The following CFAP47 variants were observed in gnomAD, a reference collection of about 807,000 sequenced individuals.
CFAP47 encodes the protein cilia and flagella associated protein 47.
In CFAP47, 29 loss-of-function variants were observed where a neutral mutation model predicts 148.1. The ratio of observed to expected loss-of-function variants is 0.20; its 90% CI spans 0.15 to 0.27. The LOEUF is 0.27. Ranked by LOEUF, CFAP47 falls within the 10% of genes least tolerant of loss-of-function variation. CFAP47 has a pLI of 1.00. For synonymous variants in CFAP47, 664 were observed against 577.3 expected (o/e 1.15, Z -2.15); for missense variants, 1,872 against 1,697.5 (o/e 1.10, Z -1.81).
At chrX:35,974,025 T>C (rs1936533284) in intron 13 of CFAP47, among the ~76,000 whole-genome samples, 1 of 112,211 alleles carries the variant, frequency 8.9e-6, no homozygotes. Flanking sequence ...CCTGCTCTCA[T>C]AGAGATTACA....
At chrX:36,368,970 C>G (rs193153761) in intron 62 of CFAP47, among the ~76,000 whole-genome samples, 100 of 111,349 alleles carry the variant, frequency 9.0e-4, no homozygotes, top group African/African-American at 3.1e-3. Context: ...CCAGGCAACT[C>G]TAGTCAGCCA....
chrX:36,113,603 C>A (rs746970087), intron 33 of CFAP47, among the ~76,000 whole-genome samples: 46 of 111,246 alleles, frequency 4.1e-4, no homozygotes, highest in African/African-American at 1.4e-3. Context: ...TACTGAAGTT[C>A]TCTGCCTTCC....
At chrX:35,998,776 T>C (rs940849549) in intron 19 of CFAP47, among the ~76,000 whole-genome samples, 1 of 111,865 alleles carries the variant, frequency 8.9e-6, no homozygotes, top group African/African-American at 3.2e-5. Context: ...GGTTAAACTC[T>C]GTAGTATCCA....
chrX:36,193,930 G>A (rs1432603905), intron 42 of CFAP47, among the ~76,000 whole-genome samples: 1 of 111,398 alleles, frequency 9.0e-6, no homozygotes, highest in Non-Finnish European at 1.9e-5. Context: ...CAGATAGACT[G>A]TAAAGAGTCC....
intron 39 of CFAP47, among the ~76,000 whole-genome samples, chrX:36,174,131 T>G (rs1190716852): frequency 4.7e-5 from 5 of 107,482 alleles, no homozygotes; most frequent in African/African-American, 1.7e-4. Context: ...ACCCCTGCCT[T>G]TTTTTGTTTT....
At chrX:35,994,239 G>A (rs1031536428) in intron 18 of CFAP47, among the ~76,000 whole-genome samples, 1 of 110,254 alleles carries the variant, frequency 9.1e-6, no homozygotes, top group East Asian at 2.9e-4. Flanking sequence ...TCCAGCCTGG[G>A]CAACAGAGCG....
At chrX:35,923,922 CATATAT>C (rs746413856) in intron 1 of CFAP47, among the ~76,000 whole-genome samples, 6 of 64,208 alleles carry the variant, frequency 9.3e-5, no homozygotes, top group Admixed American at 1.8e-4. Context: ...TATATATGTA[CATATAT>C]ATGTGTATAT....
chrX:36,267,758 G>A (rs782545935), intron 49 of CFAP47, among the ~76,000 whole-genome samples: 4 of 112,037 alleles, frequency 3.6e-5, no homozygotes, highest in Non-Finnish European at 7.5e-5. Flanking sequence ...GATTACAGGC[G>A]TGAGCCACCG....
At chrX:36,139,751 C>T (rs1939107323) in intron 35 of CFAP47, among the ~76,000 whole-genome samples, 1 of 111,771 alleles carries the variant, frequency 8.9e-6, no homozygotes, top group Non-Finnish European at 1.9e-5. Context: ...TCCAGAAAGA[C>T]TGATGATACT....
intron 57 of CFAP47, among the ~76,000 whole-genome samples, chrX:36,327,319 A>G (rs1438936319): frequency 3.6e-5 from 4 of 112,340 alleles, no homozygotes; most frequent in African/African-American, 1.3e-4. Context: ...ACGAAAAAAC[A>G]CTTTTCAAAA....
intron 46 of CFAP47, among the ~76,000 whole-genome samples, chrX:36,232,935 T>G (rs1246204276): frequency 1.8e-5 from 2 of 112,143 alleles, no homozygotes; most frequent in Admixed American, 9.5e-5. Context: ...TTGAGTGAGT[T>G]TCTTAATCCT....
chrX:36,230,751 G>A (rs1297270348), intron 46 of CFAP47, among the ~76,000 whole-genome samples: 3 of 107,577 alleles, frequency 2.8e-5, no homozygotes, highest in Admixed American at 1.0e-4. Flanking sequence ...TAGGTCTAAC[G>A]TTTAAGTCTT....
chrX:36,330,371 T>G (rs1602111249), intron 57 of CFAP47, among the ~76,000 whole-genome samples: 1 of 112,091 alleles, frequency 8.9e-6, no homozygotes, highest in East Asian at 2.8e-4. Flanking sequence ...GCTCTATATA[T>G]TTACACATTC....
At chrX:36,174,001 A>G (rs1423520250) in intron 39 of CFAP47, among the ~76,000 whole-genome samples, 1 of 110,202 alleles carries the variant, frequency 9.1e-6, no homozygotes, top group Non-Finnish European at 1.9e-5. Context: ...GGGTGCATAT[A>G]TATTTAGGAT....
intron 8 of CFAP47, among the ~76,000 whole-genome samples, chrX:35,965,022 G>A (rs760399565): frequency 1.4e-4 from 16 of 111,431 alleles, no homozygotes; most frequent in Non-Finnish European, 2.6e-4. Context: ...ATACTTTCCT[G>A]ATTATTTGGG....
intron 60 of CFAP47, among the ~76,000 whole-genome samples, chrX:36,354,480 CAAA>C (rs869120972): frequency 9.6e-4 from 39 of 40,543 alleles, no homozygotes; most frequent in African/African-American, 2.7e-3. Flanking sequence ...GACTCTGTCT[CAAA>C]AAAAAAAAAA....
chrX:35,996,525 G>C (rs1208628530), intron 18 of CFAP47, among the ~76,000 whole-genome samples: 1 of 111,131 alleles, frequency 9.0e-6, no homozygotes, highest in Non-Finnish European at 1.9e-5. Flanking sequence ...TCTAGACCTT[G>C]ACTCTTTCCT....
intron 39 of CFAP47, among the ~76,000 whole-genome samples, chrX:36,175,259 G>A (rs1301332039): frequency 9.0e-6 from 1 of 111,568 alleles, no homozygotes; most frequent in East Asian, 2.8e-4. Context: ...TCCTCCCATA[G>A]CTCAGAGCAA....
At chrX:36,272,186 G>A (rs1394461562) in intron 49 of CFAP47, among the ~76,000 whole-genome samples, 1 of 111,964 alleles carries the variant, frequency 8.9e-6, no homozygotes, top group Non-Finnish European at 1.9e-5. Context: ...TCAAGATTCT[G>A]AAGCATTTCT....
Sources: gnomAD v4.1 joint callset for allele counts (sites outside exome capture counted in the v4.1 genomes callset) on GRCh38, gnomAD v4.1.1 for gene constraint, MANE v1.5 for transcripts, NCBI Gene and HGNC (gene_info 2026-07-23, HGNC 2026-07-21) for gene names.